Variants in DHX32 observed in about 807,000 individuals in gnomAD.
The protein encoded by DHX32 is putative pre-mRNA-splicing factor ATP-dependent RNA helicase DHX32.
Under a neutral mutation model 70.0 loss-of-function variants are expected in DHX32, and 51 were observed. The observed-to-expected ratio is 0.73, with a 90% CI of 0.58 to 0.92. The LOEUF (loss-of-function observed/expected upper bound fraction) is 0.92, where lower values mean the gene tolerates loss of function less well. DHX32 is among the 40% of genes least tolerant of loss of function. The pLI, the probability that DHX32 is intolerant of heterozygous loss-of-function variation, is 0.00. For synonymous variants in DHX32, 310 were observed against 315.3 expected (o/e 0.98, Z 0.18); for missense variants, 762 against 891.8 (o/e 0.85, Z 1.85).
chr10:125,855,455 T>C (rs1009475126), intron 3 of DHX32, among the ~76,000 whole-genome samples: 1 of 146,334 alleles, frequency 6.8e-6, no homozygotes, highest in African/African-American at 2.6e-5. Context: ...ACTGTTTTTT[T>C]TTTTTTTTTT....
intron 1 of DHX32, among the ~76,000 whole-genome samples, chr10:125,893,645 G>A (rs1311786835): frequency 6.6e-6 from 1 of 152,072 alleles, no homozygotes; most frequent in African/African-American, 2.4e-5. Flanking sequence ...GAACAAAGAG[G>A]AAAACACCAA....
upstream of DHX32, among the ~76,000 whole-genome samples, chr10:125,885,687 A>G (rs928248173): frequency 6.6e-6 from 1 of 152,224 alleles, no homozygotes; most frequent in Non-Finnish European, 1.5e-5. Flanking sequence ...CTGTTAAGAC[A>G]ATAAATTACC....
chr10:125,883,127 T>C (rs1944327459), upstream of DHX32, among the ~76,000 whole-genome samples: 2 of 152,188 alleles, frequency 1.3e-5, no homozygotes, highest in Admixed American at 1.3e-4. Flanking sequence ...CACTGACCAC[T>C]TTGAACCCTG....
At chr10:125,853,274 C>A in intron 4 of DHX32, 2 of 1,380,032 alleles carry the variant, frequency 1.4e-6, no homozygotes, top group South Asian at 2.8e-5. Flanking sequence ...GGCTCATAGT[C>A]TCCTGGAGGG....
At chr10:125,879,236 C>G (rs139981799) in intron 1 of DHX32, among the ~76,000 whole-genome samples, 2 of 151,464 alleles carry the variant, frequency 1.3e-5, no homozygotes, top group Non-Finnish European at 2.9e-5. Context: ...GTTGCCCAGC[C>G]TGGTCTCAAA....
Position 125,836,584 on chromosome 10 carries a change from T to C in DHX32, c.*103A>G. Reference sequence around the variant, plus strand: ...AGTGTTATTTTCTTCAAGACCGTCCTGTGGATGTGAAATCCGTCTTCGCGT... The same window carrying C: ...AGTGTTATTTTCTTCAAGACCGTCCCGTGGATGTGAAATCCGTCTTCGCGT... On this transcript the variant is annotated 3_prime_UTR_variant, in exon 11 of 11. Coordinates refer to ENST00000284690, the MANE Select transcript of DHX32 (RefSeq NM_018180.3). 1.4e-6 allele frequency: 2 copies of C among 1,442,936 alleles called. No individual in the cohort carries two copies. Among genetic ancestry groups the C allele is most frequent in the East Asian group, 2.3e-5 (1 of 42,778 alleles). 89.4% of individuals were successfully genotyped at this position (1,442,936 alleles called of 1,614,324 possible).
intron 1 of DHX32, among the ~76,000 whole-genome samples, chr10:125,893,365 T>C (rs1408500093): frequency 6.6e-6 from 1 of 152,174 alleles, no homozygotes; most frequent in Non-Finnish European, 1.5e-5. Flanking sequence ...TGGCTCAGCC[T>C]CCCGAGTAGC....
At position 125,839,005 on chromosome 10, in the gene DHX32, A is replaced by G. The variant is rs1213636050; in HGVS notation, c.1877T>C (p.Met626Thr). 1 of 1,613,834 alleles carries G rather than the reference A, an allele frequency of 6.2e-7. No homozygotes were observed. The highest frequency in any genetic ancestry group is 2.2e-5 in the East Asian group (1 of 44,886). The part of the protein sequence containing the change: ...IKKALLSGYF[M>T]QIARDVDGSG... The stretch of plus-strand genomic sequence containing the variant: ...GGTGACCCCACCCCTTCTCACCTGC[A>G]TAAAGTAACCGGACAGAAGAGCTTT... Residue 626 changes from methionine to threonine, a missense_variant, in exon 9 of 11, where the codon ATG becomes ACG. Physicochemically the swap from Met to Thr is moderately conservative, Grantham distance 81. This residue lies in a region of DHX32 where 366 missense variants were observed against 402.6 expected (regional missense o/e 0.91). Transcript: ENST00000284690.
At chr10:125,873,984 T>C (rs1352704311) in intron 1 of DHX32, among the ~76,000 whole-genome samples, 2 of 152,222 alleles carry the variant, frequency 1.3e-5, no homozygotes, top group African/African-American at 4.8e-5. Flanking sequence ...ATGGGAAATT[T>C]CAGGACAAAA....
chr10:125,853,111 G>T (rs371843422), intron 4 of DHX32: 78 of 1,576,992 alleles, frequency 4.9e-5, no homozygotes, highest in Non-Finnish European at 6.6e-5. Flanking sequence ...CACTAACAAT[G>T]ATTTTCCTTA....
At chr10:125,879,644 CTTGTTTTTT>C (rs1416776276) in intron 1 of DHX32, among the ~76,000 whole-genome samples, 1 of 152,098 alleles carries the variant, frequency 6.6e-6, no homozygotes. Context: ...AAACAAACTC[CTTGTTTTTT>C]TTGTTTTTTT....
At position 125,871,829 on chromosome 10, in the gene DHX32, A is replaced by G. The variant is rs1266950235; in HGVS notation, c.283-4646T>C. ...AGTAAATATTGTATCTCTTGTTGGT[A>G]TTGACCTTTCTTCCCCTAGTTCTGC... On this transcript the variant is annotated intron_variant, in intron 1 of 10. Transcript: ENST00000284690. Among the ~76,000 whole-genome samples, 5 of 149,738 alleles carry G rather than the reference A, an allele frequency of 3.3e-5. No homozygotes were observed. The South Asian group carries it at 8.5e-4, about 26-fold the overall frequency.
chr10:125,871,868 T>C (rs1172008506), intron 1 of DHX32, among the ~76,000 whole-genome samples: 1 of 150,744 alleles, frequency 6.6e-6, no homozygotes, highest in Non-Finnish European at 1.5e-5. Context: ...TTTTCTTTTT[T>C]TTTTTTTTTT....
Position 125,852,639 on chromosome 10 carries a change from A to G in DHX32, c.1096T>C (p.Tyr366His). Reference sequence around the variant, plus strand: ...GAGTTTGCTCTTATTCTCGGGTTGTACACCTTTAAATGGAAAGACAGCATC... The same window carrying G: ...GAGTTTGCTCTTATTCTCGGGTTGTGCACCTTTAAATGGAAAGACAGCATC... Reference protein sequence around the residue: ...IDVGVERRKVYNPRIRANSLV... With the variant: ...IDVGVERRKVHNPRIRANSLV... Residue 366 changes from tyrosine to histidine, a missense_variant, in exon 5 of 11, where the codon TAC becomes CAC. Physicochemically the swap from Tyr to His is moderately conservative, Grantham distance 83. Around this residue, in one of 3 missense-constraint regions of DHX32, gnomAD observed 394 missense variants for 473.1 expected, o/e 0.83. Transcript: ENST00000284690. 6.2e-7 allele frequency: 1 copy of G among 1,606,432 alleles called. No individual in the cohort carries two copies.
chr10:125,839,818 C>G (rs1222990555), intron 8 of DHX32, among the ~76,000 whole-genome samples: 2 of 152,140 alleles, frequency 1.3e-5, no homozygotes, highest in Non-Finnish European at 2.9e-5. Context: ...TGGGAATGTA[C>G]ATGGCCATGG....
chr10:125,873,084 T>C (rs1944264904), intron 1 of DHX32, among the ~76,000 whole-genome samples: 2 of 152,070 alleles, frequency 1.3e-5, no homozygotes, highest in Admixed American at 1.3e-4. Context: ...CAGGGAGATC[T>C]CCTATAAGAA....
intron 1 of DHX32, among the ~76,000 whole-genome samples, chr10:125,888,479 T>C (rs910525390): frequency 2.6e-5 from 4 of 152,190 alleles, no homozygotes; most frequent in African/African-American, 4.8e-5. Flanking sequence ...TTTATAAATA[T>C]TTTAAGATTT....
At chr10:125,859,001 TAAAG>T (rs1476405305) in intron 3 of DHX32, among the ~76,000 whole-genome samples, 1 of 151,888 alleles carries the variant, frequency 6.6e-6, no homozygotes, top group African/African-American at 2.4e-5. Flanking sequence ...AGAGATGTTT[TAAAG>T]AAATCTGAGT....
At chr10:125,848,542 C>G (rs1423574430) in intron 6 of DHX32, among the ~76,000 whole-genome samples, 1 of 152,196 alleles carries the variant, frequency 6.6e-6, no homozygotes, top group Non-Finnish European at 1.5e-5. Context: ...TTGAACCTGG[C>G]ACCTGGCATG....
Sources: allele counts gnomAD v4.1 joint callset (sites outside exome capture counted in the v4.1 genomes callset), GRCh38; gene constraint gnomAD v4.1.1; regional missense constraint gnomAD v4.1.1; transcripts MANE v1.5; gene names NCBI Gene and HGNC (gene_info 2026-07-23, HGNC 2026-07-21).